The following MITD1 variants were observed in gnomAD, a reference collection of about 807,000 sequenced individuals.
MITD1 encodes the protein microtubule interacting and trafficking domain containing 1, also known as MIT domain-containing protein 1.
MITD1 carries 24 observed loss-of-function variants against 34.9 expected under a neutral mutation model. That is an observed-to-expected ratio of 0.69 (90% CI 0.50 to 0.97). The LOEUF (loss-of-function observed/expected upper bound fraction) is 0.97, where lower values mean the gene tolerates loss of function less well. Among genes scored for constraint, MITD1 ranks in the 50% least tolerant of loss-of-function variants. The pLI is 0.00. For missense variants in MITD1, 266 were observed against 294.6 expected, an observed-to-expected ratio of 0.90 and a Z score of 0.71; for synonymous variants, 102 against 101.4, an observed-to-expected ratio of 1.01 and a Z score of -0.04.
chr2:99,173,782 G>T (rs1386831750), intron 2 of MITD1, 133 bp downstream of exon 2: 3 of 678,256 alleles, frequency 4.4e-6, no homozygotes, highest in Non-Finnish European at 7.9e-6. Flanking sequence ...TGGAAATACA[G>T]ATTAAATCCT....
chr2:99,168,946 ATTTTTTTTTTTTTTTTT>A (rs1175310553), downstream of MITD1, among the ~76,000 whole-genome samples: 5 of 49,310 alleles, frequency 1.0e-4, no homozygotes, highest in African/African-American at 2.7e-4. Context: ...TGCCCGGCTA[ATTTTTTTTTTTTTTTTT>A]TTTTTTTTTT....
intron 1 of MITD1, among the ~76,000 whole-genome samples, chr2:99,179,237 G>A (rs960265526): frequency 2.0e-5 from 3 of 152,154 alleles, no homozygotes; most frequent in African/African-American, 7.2e-5. Context: ...GCCAAAACTT[G>A]AGCAGTGTTC....
intron 2 of MITD1, chr2:99,173,206 T>G (rs987745720): frequency 2.1e-5 from 5 of 232,658 alleles, no homozygotes; most frequent in African/African-American, 1.1e-4. Context: ...TGATACAGGA[T>G]AGTAGGAAGA....
intron 1 of MITD1, among the ~76,000 whole-genome samples, chr2:99,175,207 C>G (rs1221177456): frequency 6.6e-6 from 1 of 152,166 alleles, no homozygotes; most frequent in Non-Finnish European, 1.5e-5. Context: ...ATACTATGAA[C>G]TTATCTACAA....
chr2:99,169,902 C>T (rs1432111566), intron 5 of MITD1, among the ~76,000 whole-genome samples: 1 of 152,162 alleles, frequency 6.6e-6, no homozygotes, highest in African/African-American at 2.4e-5. Flanking sequence ...TTCAGGGAAA[C>T]TGGTGGTGTT....
intron 7 of MITD1, chr2:99,162,506 T>C (rs1344477775): frequency 6.2e-7 from 1 of 1,614,170 alleles, no homozygotes. Context: ...TATTATGTAG[T>C]ACTGATGGGA....
chr2:99,176,140 TG>T (rs970685786), intron 1 of MITD1, among the ~76,000 whole-genome samples: 2 of 152,098 alleles, frequency 1.3e-5, no homozygotes, highest in African/African-American at 4.8e-5. Context: ...TCTGTAGAGA[TG>T]GGGTATCACC....
intron 1 of MITD1, among the ~76,000 whole-genome samples, chr2:99,178,686 T>C (rs13033012): frequency 0.51 from 77,263 of 151,972 alleles, 21,572 homozygotes; most frequent in Middle Eastern, 0.7. Flanking sequence ...GAGTGTGCCA[T>C]GCAAATAAAT....
rs780670444 is a variant in MITD1 at position 99,181,029 on chromosome 2, G to T, written c.-48C>A. ...CTCAACCCAGGATGAAGTTGAGCGG[G>T]TCTGCTGCGCTTCCGGGAAGTGGTC... On this transcript the variant is annotated 5_prime_UTR_variant, in exon 1 of 7. Coordinates refer to ENST00000289359, the MANE Select transcript of MITD1 (RefSeq NM_138798.3). The T allele has an allele frequency of 2.5e-6, 4 of 1,577,684 alleles. No homozygotes were observed. The highest frequency in any genetic ancestry group is 3.4e-6 in the Non-Finnish European group (4 of 1,160,048).
chr2:99,174,322 T>G (rs2093874891), intron 1 of MITD1, among the ~76,000 whole-genome samples: 1 of 152,144 alleles, frequency 6.6e-6, no homozygotes, highest in Non-Finnish European at 1.5e-5. Flanking sequence ...TGAGCACTAT[T>G]TTATCCTAAC....
At chr2:99,162,408 A>C (rs2093801833) in intron 7 of MITD1, 1 of 1,613,940 alleles carries the variant, frequency 6.2e-7, no homozygotes, top group South Asian at 1.1e-5. Flanking sequence ...GGCTACCAAA[A>C]GATTTGACCT....
At chr2:99,165,394 G>C (rs1559174104), downstream of MITD1, among the ~76,000 whole-genome samples, 1 of 152,086 alleles carries the variant, frequency 6.6e-6, no homozygotes. Context: ...TATGAGATTG[G>C]ATGGATGGGA....
chr2:99,164,106 A>G (rs1465648899), intron 7 of MITD1, among the ~76,000 whole-genome samples: 1 of 152,086 alleles, frequency 6.6e-6, no homozygotes. Context: ...CCAATTTGAT[A>G]TTTATAATTT....
intron 5 of MITD1, among the ~76,000 whole-genome samples, chr2:99,170,232 C>T (rs1229007617): frequency 1.3e-5 from 2 of 152,064 alleles, no homozygotes; most frequent in Admixed American, 1.3e-4. Context: ...ATCCTAATAT[C>T]ATAACACTAT....
intron 7 of MITD1, chr2:99,162,527 T>C: frequency 1.2e-6 from 2 of 1,614,108 alleles, no homozygotes; most frequent in Non-Finnish European, 1.7e-6. Context: ...CGTTCTTGTC[T>C]TCTTTGCTAA....
At chr2:99,162,106 G>A (rs2105199053) in exon 8 of MITD1, 2 of 1,614,076 alleles carry the variant, frequency 1.2e-6, no homozygotes, top group Non-Finnish European at 1.7e-6. Flanking sequence ...GTGGAAGACT[G>A]GATCCATGAC....
chr2:99,169,423 A>G lies in MITD1; in HGVS notation c.702T>C (p.His234=). 1 of 1,495,198 alleles carries G rather than the reference A, an allele frequency of 6.7e-7. No individual in the cohort carries two copies. Among genetic ancestry groups the G allele is most frequent in the Non-Finnish European group, 9.2e-7 (1 of 1,088,180 alleles). The allele number at this position is 1,495,198 out of a possible 1,614,324, so 92.6% of individuals were successfully genotyped here. The change falls in exon 7 of 7, where the codon CAT becomes CAC. Residue 234 remains histidine, a synonymous_variant. Transcript: ENST00000289359. ...TATGAAAAATGTCTACTGTTGTTTCATGACATGGTCTTAAATCAAAATCAC... is the reference window on the plus strand; with the variant it reads ...TATGAAAAATGTCTACTGTTGTTTCGTGACATGGTCTTAAATCAAAATCAC... ...GYCDFDLRPC[H]ETTVDIFHKK...
chr2:99,175,901 A>G (rs1184596001), intron 1 of MITD1, among the ~76,000 whole-genome samples: 2 of 152,118 alleles, frequency 1.3e-5, no homozygotes, highest in East Asian at 1.9e-4. Flanking sequence ...TCAAGCCCGC[A>G]TCGCTATTAT....
downstream of MITD1, among the ~76,000 whole-genome samples, chr2:99,167,175 A>C (rs980681250): frequency 6.6e-6 from 1 of 152,074 alleles, no homozygotes; most frequent in Non-Finnish European, 1.5e-5. Context: ...ATTTTTAAGA[A>C]AATTATTGTA....
Sources: gnomAD v4.1 joint callset for allele counts (sites outside exome capture counted in the v4.1 genomes callset) on GRCh38, gnomAD v4.1.1 for gene constraint, MANE v1.5 for transcripts, NCBI Gene and HGNC (gene_info 2026-07-23, HGNC 2026-07-21) for gene names.